Variants in ASH1L observed in about 807,000 individuals in gnomAD.
ASH1L encodes histone-lysine N-methyltransferase ASH1L.
Under a neutral mutation model 269.0 loss-of-function variants are expected in ASH1L, and 23 were observed. The ratio of observed to expected loss-of-function variants is 0.09; its 90% CI spans 0.06 to 0.12. The LOEUF is 0.12. Ranked by LOEUF, ASH1L falls within the 10% of genes least tolerant of loss-of-function variation. The pLI is 1.00. For synonymous variants in ASH1L, 1,187 were observed against 1,253.5 expected, an observed-to-expected ratio of 0.95 and a Z score of 1.12; for missense variants, 2,912 against 3,567.8, an observed-to-expected ratio of 0.82 and a Z score of 4.68.
intron 2 of ASH1L, among the ~76,000 whole-genome samples, chr1:155,495,389 T>C (rs1382645787): frequency 6.6e-6 from 1 of 152,198 alleles, no homozygotes; most frequent in Non-Finnish European, 1.5e-5. Context: ...CCTAGGCTAC[T>C]AACCTGTACA....
Position 155,545,602 on chromosome 1 carries a change from T to C in ASH1L, c.-100+16551A>G, listed in dbSNP as rs979407885. On this transcript the variant is annotated intron_variant, in intron 1 of 27. Transcript: ENST00000392403. ...CACACCAAATTGATAGTGCTAGTCA[T>C]TTAAAGGAGAAAGGTTTGGAAGGAA... Among the ~76,000 whole-genome samples the C allele has an allele frequency of 2.0e-5, 3 of 151,222 alleles. 1 individual carries two copies. Among genetic ancestry groups the C allele is most frequent in the Admixed American group, 6.6e-5 (1 of 15,146 alleles).
chr1:155,345,145 C>CGGG (rs1460636792), intron 21 of ASH1L, among the ~76,000 whole-genome samples: 1 of 138,328 alleles, frequency 7.2e-6, no homozygotes, highest in Non-Finnish European at 1.6e-5. Context: ...TTAGTAGAGA[C>CGGG]GGGGTTTCAC....
At chr1:155,438,194 T>C in intron 5 of ASH1L, 133 bp downstream of exon 5, 1 of 993,406 alleles carries the variant, frequency 1.0e-6, no homozygotes, top group Non-Finnish European at 1.4e-6. Flanking sequence ...ATAAGAACAG[T>C]TTTTGAAAAG....
Position 155,336,050 on chromosome 1 carries a change from CTTAA to C in ASH1L, c.*1606_*1609del, listed in dbSNP as rs752150139. 1 of 152,464 alleles carries C rather than the reference CTTAA, an allele frequency of 6.6e-6. No homozygotes were observed. The highest frequency in any genetic ancestry group is 6.6e-5 in the Admixed American group (1 of 15,252). The allele number at this position is 152,464 out of a possible 1,614,324, so 9.4% of individuals were successfully genotyped here. ...GTAAGAAAATACTCCAAACTATTTT[CTTAA>C]TTCTCTTTTTTCTTTAATAAAATAT... On this transcript the variant is annotated 3_prime_UTR_variant, in exon 28 of 28. Coordinates refer to ENST00000392403, the MANE Select transcript of ASH1L (RefSeq NM_018489.3).
chr1:155,466,663 T>G (rs923758352), intron 3 of ASH1L, among the ~76,000 whole-genome samples: 6 of 152,246 alleles, frequency 3.9e-5, no homozygotes, highest in Admixed American at 3.3e-4. Context: ...TCAGAGTATT[T>G]TGGGTATCCA....
intron 20 of ASH1L, among the ~76,000 whole-genome samples, chr1:155,346,871 AC>A (rs1341751172): frequency 7.2e-5 from 11 of 152,236 alleles, no homozygotes; most frequent in Admixed American, 7.2e-4. Flanking sequence ...ACTTACAGCC[AC>A]TTTACACATA....
intron 21 of ASH1L, chr1:155,346,053 C>T (rs1225123487): frequency 1.1e-5 from 8 of 747,730 alleles, no homozygotes; most frequent in Non-Finnish European, 1.6e-5. Flanking sequence ...AGGCTGGTCT[C>T]GAACTCCTGA....
rs1672073878 is a variant in ASH1L at position 155,562,437 on chromosome 1, G to GGCGGCGGCA, written c.-393_-385dup. The GGCGGCGGCA allele has an allele frequency of 2.0e-6, 3 of 1,470,948 alleles. No individual in the cohort carries two copies. The highest frequency in any genetic ancestry group is 9.2e-7 in the Non-Finnish European group (1 of 1,085,764). 91.1% of individuals were successfully genotyped at this position (1,470,948 alleles called of 1,614,324 possible). On this transcript the variant is annotated 5_prime_UTR_variant, in exon 1 of 28. Coordinates refer to ENST00000392403, the MANE Select transcript of ASH1L (RefSeq NM_018489.3). ...AAATGGCGGCGGGAGCGGCGGCGGC[G>GGCGGCGGCA]GCGGCGGCAGCAGCAGAGTGGCGGC...
chr1:155,511,308 A>T (rs1461784837), intron 2 of ASH1L, among the ~76,000 whole-genome samples: 1 of 152,190 alleles, frequency 6.6e-6, no homozygotes, highest in Non-Finnish European at 1.5e-5. Flanking sequence ...TTCATTAGCC[A>T]TCTTCACTAC....
intron 25 of ASH1L, among the ~76,000 whole-genome samples, chr1:155,339,948 C>T (rs1336081496): frequency 2.6e-5 from 4 of 152,046 alleles, no homozygotes; most frequent in Non-Finnish European, 4.4e-5. Context: ...TATAATCTTA[C>T]GGGATCACCG....
At chr1:155,517,848 T>C (rs1443143875) in intron 2 of ASH1L, among the ~76,000 whole-genome samples, 1 of 127,974 alleles carries the variant, frequency 7.8e-6, no homozygotes, top group East Asian at 2.9e-4. Context: ...TCGCCCAGGC[T>C]GGAGTGCAGT....
In ASH1L at chr1:155,479,926, T is replaced by C. The variant is rs928005562; in HGVS notation, c.2944A>G (p.Ile982Val). 1 of 1,613,672 alleles carries C rather than the reference T, an allele frequency of 6.2e-7. No individual in the cohort carries two copies. The highest frequency in any genetic ancestry group is 2.2e-5 in the East Asian group (1 of 44,888). The change falls in exon 3 of 28, where the codon ATT becomes GTT. Residue 982 changes from isoleucine (I) to valine (V), a missense_variant. This residue lies in a region of ASH1L where 715 missense variants were observed against 721.0 expected (regional missense o/e 0.99). Transcript: ENST00000392403. ...TTCATTTTATTTATTTTGCGGATAATTGTTTTCATTAATTGTCCATTGTTT... is the reference window on the plus strand; with the variant it reads ...TTCATTTTATTTATTTTGCGGATAACTGTTTTCATTAATTGTCCATTGTTT... ...KRNNGQLMKT[I>V]IRKINKMKTL...
At chr1:155,357,441 T>TA (rs1211598032) in intron 14 of ASH1L, 31 bp from the exon 15 acceptor site, 1 of 1,597,306 alleles carries the variant, frequency 6.3e-7, no homozygotes, top group Non-Finnish European at 8.6e-7. Context: ...ATTAGAGATT[T>TA]AAAAAAATAT....
chr1:155,543,686 C>T (rs1670597978), intron 1 of ASH1L, among the ~76,000 whole-genome samples: 1 of 151,976 alleles, frequency 6.6e-6, no homozygotes, highest in Admixed American at 6.6e-5. Flanking sequence ...AATCCCAGCA[C>T]TCTGGGAGGC....
chr1:155,357,239 G>A, intron 15 of ASH1L, 77 bp downstream of exon 15: 8 of 1,108,602 alleles, frequency 7.2e-6, no homozygotes, highest in Admixed American at 4.2e-5. Flanking sequence ...CAACAATATA[G>A]AAGTTTCATA....
chr1:155,496,349 A>G (rs1416560834), intron 2 of ASH1L, among the ~76,000 whole-genome samples: 3 of 152,238 alleles, frequency 2.0e-5, no homozygotes, highest in African/African-American at 7.2e-5. Context: ...CATTGATCCA[A>G]ACATGATTAC....
chr1:155,439,570 G>C (rs13375379), intron 4 of ASH1L, among the ~76,000 whole-genome samples: 8,480 of 152,132 alleles, frequency 0.056, 795 homozygotes, highest in African/African-American at 0.2. Context: ...CATGCTGGCT[G>C]AAACCTATGG....
chr1:155,418,931 C>T (rs935826284), intron 5 of ASH1L, among the ~76,000 whole-genome samples: 1 of 152,036 alleles, frequency 6.6e-6, no homozygotes, highest in Middle Eastern at 3.4e-3. Flanking sequence ...ATTAGCCAGG[C>T]GTGGTGGTGG....
At chr1:155,546,898 T>C (rs1008373239) in intron 1 of ASH1L, among the ~76,000 whole-genome samples, 4 of 151,450 alleles carry the variant, frequency 2.6e-5, no homozygotes, top group Non-Finnish European at 5.9e-5. Context: ...ACATTTTATG[T>C]GCATATATAC....
Sources: gnomAD v4.1 joint callset for allele counts (sites outside exome capture counted in the v4.1 genomes callset) on GRCh38, gnomAD v4.1.1 for gene constraint, gnomAD v4.1.1 regional missense constraint, MANE v1.5 for transcripts, NCBI Gene and HGNC (gene_info 2026-07-23, HGNC 2026-07-21) for gene names.